Variants in SCAI observed in about 807,000 individuals in gnomAD.
SCAI encodes protein SCAI.
A neutral mutation model predicts 92.2 loss-of-function variants in SCAI; 24 were observed. That is an observed-to-expected ratio of 0.26 (90% confidence interval 0.19 to 0.37). The LOEUF (loss-of-function observed/expected upper bound fraction) is 0.37, where lower values mean the gene tolerates loss of function less well. Among genes scored for constraint, SCAI ranks in the 10% least tolerant of loss-of-function variants. The probability of loss-of-function intolerance (pLI) is 1.00; values close to 1 mark genes in which losing one functional copy is unlikely to be tolerated. For synonymous variants in SCAI, 261 were observed against 258.6 expected (o/e 1.01, Z -0.09); for missense variants, 450 against 736.2 (o/e 0.61, Z 4.50).
chr9:125,028,539 T>C, intron 4 of SCAI, 61 bp from the exon 5 acceptor site: 1 of 842,974 alleles, frequency 1.2e-6, no homozygotes, highest in Non-Finnish European at 1.8e-6. Flanking sequence ...ACTAATCAAA[T>C]CTGTAAATTC....
chr9:125,107,879 C>T (rs893640480), intron 2 of SCAI, among the ~76,000 whole-genome samples: 2 of 152,184 alleles, frequency 1.3e-5, no homozygotes, highest in Non-Finnish European at 2.9e-5. Flanking sequence ...CCTCTGATGC[C>T]GAGCGGAAGC....
intron 3 of SCAI, among the ~76,000 whole-genome samples, chr9:125,050,504 A>T (rs10819027): frequency 6.6e-6 from 1 of 152,188 alleles, no homozygotes; most frequent in Admixed American, 6.5e-5. Context: ...ACTTTAAGGA[A>T]GGCCTACAAA....
intron 9 of SCAI, among the ~76,000 whole-genome samples, chr9:125,004,775 A>G (rs1288474199): frequency 9.2e-5 from 1 of 10,870 alleles, no homozygotes; most frequent in Admixed American, 1.7e-3. Flanking sequence ...ATATATATAT[A>G]TATATTTTTT....
At chr9:125,106,926 G>A (rs992011142) in intron 2 of SCAI, among the ~76,000 whole-genome samples, 6 of 145,346 alleles carry the variant, frequency 4.1e-5, no homozygotes, top group Non-Finnish European at 9.0e-5. Context: ...TGTTGCCCAC[G>A]CTGGTCTTGA....
chr9:125,141,680 A>G (rs1380730433), intron 2 of SCAI, among the ~76,000 whole-genome samples: 1 of 152,254 alleles, frequency 6.6e-6, no homozygotes, highest in African/African-American at 2.4e-5. Context: ...CATATTTATT[A>G]GCAGCATTAT....
At chr9:125,098,359 T>C (rs900411737) in intron 2 of SCAI, among the ~76,000 whole-genome samples, 1 of 152,180 alleles carries the variant, frequency 6.6e-6, no homozygotes, top group South Asian at 2.1e-4. Flanking sequence ...GCCCAGCACA[T>C]ATTTAGAACA....
At chr9:124,954,955 C>T (rs1488598302) in intron 17 of SCAI, among the ~76,000 whole-genome samples, 4 of 152,018 alleles carry the variant, frequency 2.6e-5, no homozygotes, top group African/African-American at 9.7e-5. Context: ...TATCTGAGGT[C>T]AGGAATTTAA....
intron 7 of SCAI, among the ~76,000 whole-genome samples, 191 bp from the exon 8 acceptor site, chr9:125,019,396 A>T (rs1010249098): frequency 1.3e-5 from 2 of 152,178 alleles, no homozygotes; most frequent in African/African-American, 4.8e-5. Context: ...CTTCAGAATA[A>T]CACCCATCAA....
intron 2 of SCAI, among the ~76,000 whole-genome samples, chr9:125,065,179 G>A (rs996242849): frequency 6.6e-6 from 1 of 151,306 alleles, no homozygotes; most frequent in Non-Finnish European, 1.5e-5. Context: ...TCTTTAAAAA[G>A]ACTAATAAAA....
chr9:125,118,853 A>C (rs1452289712), intron 2 of SCAI, among the ~76,000 whole-genome samples: 1 of 152,176 alleles, frequency 6.6e-6, no homozygotes, highest in Non-Finnish European at 1.5e-5. Context: ...TTCCAGCTTT[A>C]TCCATGTCCC....
intron 9 of SCAI, among the ~76,000 whole-genome samples, chr9:125,016,736 C>G (rs1832768328): frequency 6.6e-6 from 1 of 151,820 alleles, no homozygotes; most frequent in Non-Finnish European, 1.5e-5. Flanking sequence ...AAAATCTGAC[C>G]CATACTTCAC....
At chr9:125,108,061 T>C (rs1027990141) in intron 2 of SCAI, among the ~76,000 whole-genome samples, 10 of 152,278 alleles carry the variant, frequency 6.6e-5, no homozygotes, top group Non-Finnish European at 1.5e-4. Context: ...CTCCAGCTCC[T>C]AACCGCGAGT....
At chr9:125,126,512 C>A (rs1166024893) in intron 2 of SCAI, among the ~76,000 whole-genome samples, 1 of 144,332 alleles carries the variant, frequency 6.9e-6, no homozygotes, top group African/African-American at 2.6e-5. Flanking sequence ...TTTTTAAAAC[C>A]CAATCTGAGC....
At chr9:125,134,367 C>T (rs567559861) in intron 2 of SCAI, among the ~76,000 whole-genome samples, 4 of 152,280 alleles carry the variant, frequency 2.6e-5, no homozygotes, top group East Asian at 1.9e-4. Context: ...TCCCCAACAA[C>T]GGCCACCTCA....
intron 2 of SCAI, among the ~76,000 whole-genome samples, chr9:125,070,661 C>T (rs557775931): frequency 4.6e-5 from 7 of 152,136 alleles, no homozygotes; most frequent in South Asian, 2.1e-4. Flanking sequence ...GACCTCCCAG[C>T]GTGCTGGGAT....
intron 2 of SCAI, among the ~76,000 whole-genome samples, chr9:125,078,014 C>A (rs1228966615): frequency 6.6e-6 from 1 of 152,058 alleles, no homozygotes; most frequent in African/African-American, 2.4e-5. Flanking sequence ...GCCACCGTAC[C>A]CAGCCTTTGG....
chr9:125,065,955 G>T (rs1247884352), intron 2 of SCAI: 1 of 751,404 alleles, frequency 1.3e-6, no homozygotes, highest in Non-Finnish European at 2.4e-6. Flanking sequence ...ATTTTATAAA[G>T]GATATGTATT....
chr9:125,134,839 G>T (rs2131269848), intron 2 of SCAI, among the ~76,000 whole-genome samples: 1 of 152,258 alleles, frequency 6.6e-6, no homozygotes, highest in African/African-American at 2.4e-5. Context: ...ACCACGCCAG[G>T]CTAATTTTGT....
Position 124,945,915 on chromosome 9 carries a change from A to T in SCAI, c.*6892T>A, listed in dbSNP as rs1229124218. ...CAGGAAAGACTGAGAGGTACAGCAA[A>T]AATAGTTGTAAAGTATCAATGTATA... On this transcript the variant is annotated 3_prime_UTR_variant, in exon 18 of 18. Transcript: ENST00000336505. The T allele has an allele frequency of 6.6e-6, 1 of 152,178 alleles. No homozygotes were observed. The highest frequency in any genetic ancestry group is 1.5e-5 in the Non-Finnish European group (1 of 68,038). 9.4% of individuals were successfully genotyped at this position (152,178 alleles called of 1,614,324 possible).
Sources: gnomAD v4.1 joint callset for allele counts (sites outside exome capture counted in the v4.1 genomes callset) on GRCh38, gnomAD v4.1.1 for gene constraint, MANE v1.5 for transcripts, NCBI Gene and HGNC (gene_info 2026-07-23, HGNC 2026-07-21) for gene names.